CELF4: variants seen among roughly 807,000 people sequenced by gnomAD.
CELF4 encodes CUG-BP- and ETR-3-like factor 4.
A neutral mutation model predicts 59.9 loss-of-function variants in CELF4; 18 were observed. That is an observed-to-expected ratio of 0.30 (90% confidence interval 0.21 to 0.45). The LOEUF is 0.45. Among genes scored for constraint, CELF4 ranks in the 20% least tolerant of loss-of-function variants. CELF4 has a pLI of 1.00. For synonymous variants in CELF4, 261 were observed against 267.1 expected, an observed-to-expected ratio of 0.98 and a Z score of 0.22; for missense variants, 456 against 689.0, an observed-to-expected ratio of 0.66 and a Z score of 3.79.
At chr18:37,251,650 C>A (rs2065573912) in intron 12 of CELF4, among the ~76,000 whole-genome samples, 1 of 152,184 alleles carries the variant, frequency 6.6e-6, no homozygotes, top group Admixed American at 6.5e-5. Context: ...ACCTTAATGG[C>A]AGAGCTATGC....
rs532002117 is a variant in CELF4 at position 37,381,533 on chromosome 18, C to T, written c.370-59652G>A. 7.9e-5 allele frequency among the ~76,000 whole-genome samples: 12 copies of T among 152,278 alleles called. No individual in the cohort carries two copies. In the East Asian group the frequency reaches 2.1e-3, roughly 27 times the overall value. On this transcript the variant is annotated intron_variant, in intron 2 of 12. Coordinates refer to ENST00000420428, the MANE Select transcript of CELF4 (RefSeq NM_020180.4). ...AGGGTAGGGACTGAACACTCCTTCA[C>T]ATGAACATTCCTTTAGAATGGGAGA...
intron 2 of CELF4, among the ~76,000 whole-genome samples, chr18:37,477,041 T>C (rs2099851772): frequency 6.6e-6 from 1 of 152,180 alleles, no homozygotes; most frequent in African/African-American, 2.4e-5. Context: ...GTGATATGGC[T>C]GGAATAGGAG....
At chr18:37,505,544 C>A (rs946091382) in intron 1 of CELF4, among the ~76,000 whole-genome samples, 1 of 152,052 alleles carries the variant, frequency 6.6e-6, no homozygotes, top group African/African-American at 2.4e-5. Context: ...ATTGTGGGGA[C>A]CAAGTCCTTC....
At position 37,246,524 on chromosome 18, in the gene CELF4, C is replaced by CTA. The variant is rs1360300050; in HGVS notation, c.*45-1329_*45-1328dup. On this transcript the variant is annotated intron_variant, in intron 12 of 12. Transcript: ENST00000420428. This position sits in a 1 kb window ranked among gnomAD's most constrained non-coding sequence, Gnocchi z 5.3. ...TTGCAGAGGCCTCTGGCTTTGTACTCTAGTTTTTTGGTTTAGAATTTTTTT... is the reference window on the plus strand; with the variant it reads ...TTGCAGAGGCCTCTGGCTTTGTACTCTATAGTTTTTTGGTTTAGAATTTTTTT... Among the ~76,000 whole-genome samples, 10 of 151,812 alleles carry CTA rather than the reference C, an allele frequency of 6.6e-5. No homozygotes were observed. Among genetic ancestry groups the CTA allele is most frequent in the Non-Finnish European group, 1.2e-4 (8 of 67,980 alleles).
chr18:37,379,844 G>A (rs1372941095), intron 2 of CELF4, among the ~76,000 whole-genome samples: 1 of 152,206 alleles, frequency 6.6e-6, no homozygotes, highest in African/African-American at 2.4e-5. Flanking sequence ...TGTGCATGGA[G>A]CATGGTGTTG....
At chr18:37,302,935 G>C (rs2096159679) in intron 3 of CELF4, among the ~76,000 whole-genome samples, 1 of 152,130 alleles carries the variant, frequency 6.6e-6, no homozygotes, top group Non-Finnish European at 1.5e-5. Context: ...AGCTAGGCCA[G>C]GCACAGAGGA....
At chr18:37,355,784 G>A (rs1207219595) in intron 2 of CELF4, among the ~76,000 whole-genome samples, 1 of 152,214 alleles carries the variant, frequency 6.6e-6, no homozygotes, top group Non-Finnish European at 1.5e-5. Flanking sequence ...GGAGGAGGTG[G>A]TTTCTGAGAC....
At chr18:37,433,651 T>C (rs933796294) in intron 2 of CELF4, among the ~76,000 whole-genome samples, 2 of 152,176 alleles carry the variant, frequency 1.3e-5, no homozygotes, top group Non-Finnish European at 2.9e-5. Flanking sequence ...TGGCCAAGCA[T>C]GGAATGGGGT....
intron 1 of CELF4, among the ~76,000 whole-genome samples, chr18:37,564,663 C>T (rs984159185): frequency 6.6e-6 from 1 of 152,054 alleles, no homozygotes; most frequent in African/African-American, 2.4e-5. Flanking sequence ...CCAGACCCCC[C>T]ACTCCACCCA....
At chr18:37,367,729 G>A (rs572909131) in intron 2 of CELF4, among the ~76,000 whole-genome samples, 90 of 151,168 alleles carry the variant, frequency 6.0e-4, no homozygotes, top group African/African-American at 2.7e-4. Flanking sequence ...GAAAGAGAAC[G>A]AAAGCACAAG....
At chr18:37,389,911 A>G (rs2099139881) in intron 2 of CELF4, among the ~76,000 whole-genome samples, 1 of 152,182 alleles carries the variant, frequency 6.6e-6, no homozygotes, top group Admixed American at 6.5e-5. Flanking sequence ...CACTGTCAGG[A>G]AGCAGTCTGG....
At chr18:37,267,375 C>T (rs989354822) in intron 8 of CELF4, among the ~76,000 whole-genome samples, 4 of 152,176 alleles carry the variant, frequency 2.6e-5, no homozygotes, top group African/African-American at 9.7e-5. Context: ...GGCTTGGTTC[C>T]CTTCTGTTGT....
At chr18:37,320,148 T>C (rs1368260526) in intron 3 of CELF4, among the ~76,000 whole-genome samples, 1 of 152,086 alleles carries the variant, frequency 6.6e-6, no homozygotes, top group Non-Finnish European at 1.5e-5. Context: ...CCATCCTGGC[T>C]AACACAGTGA....
chr18:37,553,737 G>T (rs540147069), intron 1 of CELF4, among the ~76,000 whole-genome samples: 1 of 152,148 alleles, frequency 6.6e-6, no homozygotes, highest in Non-Finnish European at 1.5e-5. Context: ...TCCCCCACCC[G>T]CGCAGGGAGC....
intron 3 of CELF4, among the ~76,000 whole-genome samples, chr18:37,281,827 C>T (rs2094179135): frequency 6.6e-6 from 1 of 152,146 alleles, no homozygotes; most frequent in South Asian, 2.1e-4. Context: ...CTCCTGGATC[C>T]CAGGGTCTTC....
chr18:37,513,633 G>T lies in CELF4; in HGVS notation c.287-28026C>A, dbSNP rs148014428. Among the ~76,000 whole-genome samples, 4 of 152,206 alleles carry T rather than the reference G, an allele frequency of 2.6e-5. No homozygotes were observed. In the East Asian group the frequency reaches 7.7e-4, roughly 29 times the overall value. ...TTCTCTTTCCAGCTCTACCTACTAA[G>T]CTTCTGTCAAGAACATCTTCTTACT... On this transcript the variant is annotated intron_variant, in intron 1 of 12. Transcript: ENST00000420428.
At chr18:37,469,646 G>T (rs944084324) in intron 2 of CELF4, among the ~76,000 whole-genome samples, 1 of 152,158 alleles carries the variant, frequency 6.6e-6, no homozygotes, top group Admixed American at 6.5e-5. Context: ...AAAATATTAA[G>T]TTCCCCCAGA....
chr18:37,313,935 G>A (rs1297994511), intron 3 of CELF4, among the ~76,000 whole-genome samples: 3 of 152,210 alleles, frequency 2.0e-5, no homozygotes, highest in East Asian at 3.9e-4. Flanking sequence ...GGCATGGTGA[G>A]GGGGGATGCC....
At chr18:37,347,671 C>T (rs1309541770) in intron 2 of CELF4, among the ~76,000 whole-genome samples, 1 of 152,114 alleles carries the variant, frequency 6.6e-6, no homozygotes, top group African/African-American at 2.4e-5. Flanking sequence ...CCAAACCTGC[C>T]CCTGGGCACC....
Sources: gnomAD v4.1 joint callset for allele counts (sites outside exome capture counted in the v4.1 genomes callset) on GRCh38, gnomAD v4.1.1 for gene constraint, Gnocchi (gnomAD v3.1) non-coding constraint, MANE v1.5 for transcripts, NCBI Gene and HGNC (gene_info 2026-07-23, HGNC 2026-07-21) for gene names.